Variants in QTRT2 observed in about 807,000 individuals in gnomAD.
QTRT2 encodes the protein queuine tRNA-ribosyltransferase domain containing 1.
In QTRT2, 32 loss-of-function variants were observed where a neutral mutation model predicts 44.8. The ratio of observed to expected loss-of-function variants is 0.71; its 90% CI spans 0.54 to 0.96. QTRT2 has a LOEUF of 0.96. Among genes scored for constraint, QTRT2 ranks in the 40% least tolerant of loss-of-function variants. QTRT2 has a pLI of 0.00. For synonymous variants in QTRT2, 182 were observed against 187.4 expected (o/e 0.97, Z 0.24); for missense variants, 461 against 503.1 (o/e 0.92, Z 0.80).
intron 8 of QTRT2, 64 bp from the exon 9 acceptor site, chr3:114,082,613 A>G (rs1266146581): frequency 1.7e-6 from 1 of 597,556 alleles, no homozygotes; most frequent in African/African-American, 1.9e-5. Context: ...CTAAAATAAA[A>G]TGTTTCCAAT....
At chr3:114,071,262 C>T (rs916623252) in intron 6 of QTRT2, among the ~76,000 whole-genome samples, 24 of 152,232 alleles carry the variant, frequency 1.6e-4, no homozygotes, top group African/African-American at 5.8e-4. Flanking sequence ...AATACTTTAT[C>T]TCCATTTATG....
Position 114,065,550 on chromosome 3 carries a change from T to C in QTRT2, c.200+93T>C, listed in dbSNP as rs189009426. The C allele has an allele frequency of 3.2e-3, 2,956 of 931,158 alleles. 8 individuals are homozygous for C. The highest frequency in any genetic ancestry group is 4.2e-3 in the Non-Finnish European group (2,609 of 617,006). 57.7% of individuals were successfully genotyped at this position (931,158 alleles called of 1,614,324 possible). On this transcript the variant is annotated intron_variant, in intron 3 of 9. Transcript: ENST00000281273. ...AGAGAAATATTTTTTTTTGTTCATA[T>C]ATATAAATTGTCGATTTTCATAATG...
chr3:114,057,693 T>A (rs1330898984), intron 2 of QTRT2: 1 of 152,236 alleles, frequency 6.6e-6, no homozygotes, highest in African/African-American at 2.4e-5. Context: ...GAAAGACGTC[T>A]AATGTTTATT....
rs2077259647 is a variant in QTRT2, at chr3:114,088,046, G to A, written c.*2142G>A. The A allele has an allele frequency of 6.6e-6, 1 of 152,154 alleles. No individual in the cohort carries two copies. The highest frequency in any genetic ancestry group is 6.5e-5 in the Admixed American group (1 of 15,286). 9.4% of individuals were successfully genotyped at this position (152,154 alleles called of 1,614,324 possible). ...CATAACTCTTCCATGAATGGCAAGG[G>A]GTACTTATGGAAAACAGTTTTCCAA... On this transcript the variant is annotated 3_prime_UTR_variant, in exon 10 of 10. Coordinates refer to ENST00000281273, the MANE Select transcript of QTRT2 (RefSeq NM_024638.4).
intron 2 of QTRT2, among the ~76,000 whole-genome samples, chr3:114,059,632 T>C (rs1482728941): frequency 6.6e-6 from 1 of 152,232 alleles, no homozygotes; most frequent in East Asian, 1.9e-4. Context: ...AAAATATTGA[T>C]TTCCAGCTGA....
At chr3:114,067,169 G>A (rs898598383) in intron 4 of QTRT2, among the ~76,000 whole-genome samples, 1 of 152,120 alleles carries the variant, frequency 6.6e-6, no homozygotes, top group African/African-American at 2.4e-5. Flanking sequence ...GGAATTTATG[G>A]AATATCATTC....
rs1231562871 is a variant in QTRT2 at position 114,082,719 on chromosome 3, A to C, written c.941A>C (p.Asp314Ala). ...NGTQEEIKCM[D>A]QIKKIETTGC... ...ACACAAGAAGAAATAAAATGTATGG[A>C]TCAAATAAAGAAAATTGAAACAACT... is the stretch of plus-strand genomic sequence containing the variant. The change falls in exon 9 of 10, where the codon GAT becomes GCT. Residue 314 changes from aspartate to alanine, a missense_variant. Coordinates refer to ENST00000281273, the MANE Select transcript of QTRT2 (RefSeq NM_024638.4). 3.9e-6 allele frequency: 6 copies of C among 1,529,960 alleles called. No individual in the cohort carries two copies. The Admixed American group carries it at 5.6e-5, about 14-fold the overall frequency. 94.8% of individuals were successfully genotyped at this position (1,529,960 alleles called of 1,614,324 possible).
Position 114,080,017 on chromosome 3 carries a change from G to T in QTRT2, c.858G>T (p.Leu286=). 2 of 1,612,234 alleles carry T rather than the reference G, an allele frequency of 1.2e-6. No homozygotes were observed. The highest frequency in any genetic ancestry group is 2.2e-5 in the South Asian group (2 of 90,726). The change falls in exon 8 of 10, where the codon CTG becomes CTT. Residue 286 remains leucine, a synonymous_variant. Coordinates refer to ENST00000281273, the MANE Select transcript of QTRT2 (RefSeq NM_024638.4). ...AAGTAACAGAGCGGGGATGTGCCCT[G>T]ACTTTCAGTTTTGATTACCAGCCGA... ...PYQVTERGCA[L]TFSFDYQPNP...
In QTRT2 at chr3:114,069,546, C is replaced by T. The variant is rs571833981; in HGVS notation, c.334-1080C>T. Among the ~76,000 whole-genome samples, 5 of 152,256 alleles carry T rather than the reference C, an allele frequency of 3.3e-5. No homozygotes were observed. In the South Asian group the frequency reaches 1.0e-3, roughly 32 times the overall value. On this transcript the variant is annotated intron_variant, in intron 5 of 9. Coordinates refer to ENST00000281273, the MANE Select transcript of QTRT2 (RefSeq NM_024638.4). ...TTGCTAGGGACAATGGCCTCCAGTTCCATCTATGTTCCTGCAAAAGACGTG... is the reference window on the plus strand; with the variant it reads ...TTGCTAGGGACAATGGCCTCCAGTTTCATCTATGTTCCTGCAAAAGACGTG...
At chr3:114,079,816 AT>A in intron 7 of QTRT2, 89 bp from the exon 8 acceptor site, 2 of 1,252,824 alleles carry the variant, frequency 1.6e-6, no homozygotes, top group Non-Finnish European at 2.3e-6. Context: ...CATTATTACT[AT>A]TTTTTTAGTG....
intron 6 of QTRT2, among the ~76,000 whole-genome samples, chr3:114,075,297 G>C (rs1417458799): frequency 6.6e-6 from 1 of 152,104 alleles, no homozygotes; most frequent in Admixed American, 6.5e-5. Context: ...AGGTTTAGTA[G>C]TTCTTCATAC....
chr3:114,077,027 C>A, intron 7 of QTRT2, 85 bp downstream of exon 7: 1 of 1,254,306 alleles, frequency 8.0e-7, no homozygotes, highest in Non-Finnish European at 1.1e-6. Flanking sequence ...AGTGTCTGTG[C>A]ATAGGCATGC....
intron 5 of QTRT2, among the ~76,000 whole-genome samples, chr3:114,069,141 A>C (rs1466060942): frequency 6.6e-6 from 1 of 152,112 alleles, no homozygotes; most frequent in Admixed American, 6.5e-5. Flanking sequence ...CTGATGCCTT[A>C]GTATAAAATA....
intron 6 of QTRT2, among the ~76,000 whole-genome samples, chr3:114,075,894 A>G (rs1443474293): frequency 6.6e-6 from 1 of 152,180 alleles, no homozygotes; most frequent in Non-Finnish European, 1.5e-5. Context: ...AAAATACTCA[A>G]TATATTCTTC....
rs2077260525 is a variant in QTRT2, at chr3:114,088,150, A to G, written c.*2246A>G. 1 of 152,164 alleles carries G rather than the reference A, an allele frequency of 6.6e-6. No homozygotes were observed. Among genetic ancestry groups the G allele is most frequent in the Non-Finnish European group, 1.5e-5 (1 of 68,034 alleles). 9.4% of individuals were successfully genotyped at this position (152,164 alleles called of 1,614,324 possible). ...TTTGTTCTATGCTAAATGCATCGTT[A>G]GGGGAGTAGTGGTAAATATTCCAGA... On this transcript the variant is annotated 3_prime_UTR_variant, in exon 10 of 10. Transcript: ENST00000281273.
intron 8 of QTRT2, among the ~76,000 whole-genome samples, chr3:114,082,332 C>G (rs1469561434): frequency 1.3e-5 from 2 of 151,992 alleles, no homozygotes; most frequent in Non-Finnish European, 2.9e-5. Flanking sequence ...ATTCTCCTGC[C>G]TTAGCTTCCC....
intron 9 of QTRT2, chr3:114,083,111 T>C: frequency 3.4e-6 from 1 of 292,916 alleles, no homozygotes; most frequent in Non-Finnish European, 6.6e-6. Flanking sequence ...AACAACAAAG[T>C]TTTAAATTGT....
intron 6 of QTRT2, among the ~76,000 whole-genome samples, chr3:114,071,082 C>T (rs1314006700): frequency 3.3e-5 from 5 of 152,114 alleles, no homozygotes; most frequent in Non-Finnish European, 7.4e-5. Flanking sequence ...GTTTTAATTG[C>T]TGAATAATTC....
intron 6 of QTRT2, among the ~76,000 whole-genome samples, chr3:114,072,085 T>C (rs1218328628): frequency 6.6e-6 from 1 of 152,218 alleles, no homozygotes; most frequent in East Asian, 1.9e-4. Flanking sequence ...GCTTTTCTTA[T>C]CTCTAGCTAT....
Sources: allele counts gnomAD v4.1 joint callset (sites outside exome capture counted in the v4.1 genomes callset), GRCh38; gene constraint gnomAD v4.1.1; transcripts MANE v1.5; gene names NCBI Gene and HGNC (gene_info 2026-07-23, HGNC 2026-07-21).